FAM3B: variants seen among roughly 807,000 people sequenced by gnomAD.
FAM3B encodes the protein FAM3 metabolism regulating signaling molecule B, also known as protein FAM3B.
Under a neutral mutation model 28.4 loss-of-function variants are expected in FAM3B, and 29 were observed. That is an observed-to-expected ratio of 1.02 (90% CI 0.76 to 1.39). The LOEUF is 1.39. FAM3B is among the 40% of genes most tolerant of loss of function. FAM3B has a pLI of 0.00. For synonymous variants in FAM3B, 91 were observed against 103.0 expected, an observed-to-expected ratio of 0.88 and a Z score of 0.71; for missense variants, 266 against 293.9, an observed-to-expected ratio of 0.91 and a Z score of 0.69.
intron 2 of FAM3B, among the ~76,000 whole-genome samples, chr21:41,328,219 T>C (rs369413): frequency 0.33 from 49,498 of 152,086 alleles, 11,032 homozygotes; most frequent in African/African-American, 0.64. Context: ...AGTATTCCCA[T>C]TCATGTATTC....
intron 5 of FAM3B, chr21:41,345,973 C>T: frequency 2.7e-6 from 1 of 376,940 alleles, no homozygotes; most frequent in Non-Finnish European, 4.8e-6. Context: ...CTCAGTCTTT[C>T]TCTTTTTAGC....
chr21:41,316,387 A>C (rs925697151), upstream of FAM3B, among the ~76,000 whole-genome samples: 1 of 152,244 alleles, frequency 6.6e-6, no homozygotes, highest in Non-Finnish European at 1.5e-5. Context: ...TGGAGGAAGC[A>C]AAGAAGACCG....
At chr21:41,330,065 T>C (rs1336913082) in intron 2 of FAM3B, among the ~76,000 whole-genome samples, 2 of 151,968 alleles carry the variant, frequency 1.3e-5, no homozygotes, top group African/African-American at 4.8e-5. Flanking sequence ...AACTATATTG[T>C]TAATTGTTGT....
intron 4 of FAM3B, 93 bp from the exon 5 acceptor site, chr21:41,345,593 G>A (rs2089049502): frequency 2.8e-6 from 2 of 707,848 alleles, no homozygotes; most frequent in African/African-American, 1.8e-5. Flanking sequence ...GAGATAGACA[G>A]GGAAGAAATA....
intron 1 of FAM3B, among the ~76,000 whole-genome samples, chr21:41,310,973 A>C (rs934335502): frequency 6.6e-6 from 1 of 151,874 alleles, no homozygotes; most frequent in African/African-American, 2.4e-5. Context: ...CAAATCTGTT[A>C]GTTTGGTGAG....
At chr21:41,351,519 T>G (rs1169958795) in intron 7 of FAM3B, among the ~76,000 whole-genome samples, 1 of 152,230 alleles carries the variant, frequency 6.6e-6, no homozygotes, top group Admixed American at 6.5e-5. Flanking sequence ...AGCCAGGGCT[T>G]CAAGACAGGT....
intron 1 of FAM3B, among the ~76,000 whole-genome samples, chr21:41,317,464 C>T (rs2088760477): frequency 6.6e-6 from 1 of 152,164 alleles, no homozygotes; most frequent in Admixed American, 6.6e-5. Context: ...GACCAGTCAT[C>T]GCGTTTCTTG....
chr21:41,346,214 G>A (rs1056973900), intron 5 of FAM3B: 5 of 155,818 alleles, frequency 3.2e-5, no homozygotes, highest in African/African-American at 1.2e-4. Context: ...TCTAGGCACT[G>A]ACTCTTGACT....
At chr21:41,328,585 C>T (rs1408728735) in intron 2 of FAM3B, among the ~76,000 whole-genome samples, 1 of 152,174 alleles carries the variant, frequency 6.6e-6, no homozygotes, top group Non-Finnish European at 1.5e-5. Flanking sequence ...TCAGGAGATC[C>T]ATCCGCCTTA....
chr21:41,354,885 A>AG (rs1376499377), intron 7 of FAM3B, among the ~76,000 whole-genome samples: 1 of 152,220 alleles, frequency 6.6e-6, no homozygotes, highest in Non-Finnish European at 1.5e-5. Context: ...CCTTATAGAA[A>AG]GTGAAAGATA....
intron 6 of FAM3B, among the ~76,000 whole-genome samples, chr21:41,347,849 G>A: frequency 6.6e-6 from 1 of 152,034 alleles, no homozygotes. Context: ...CTCTCAGAGT[G>A]TGTCCTACTA....
rs865876837 is a variant in FAM3B at position 41,323,749 on chromosome 21, T to G, written c.163+683T>G. Among the ~76,000 whole-genome samples the G allele has an allele frequency of 6.5e-4, 99 of 151,916 alleles. No individual in the cohort carries two copies. The Middle Eastern group carries it at 0.017, about 26-fold the overall frequency. On this transcript the variant is annotated intron_variant, in intron 2 of 7. Transcript: ENST00000357985. ...CAAATGAGATTCGAGAGAGGATGGG[T>G]GGGGAAAGCCTCTGAGAAGGAGGTG... is the stretch of plus-strand genomic sequence containing the variant.
At chr21:41,311,102 C>T (rs1344615401) in intron 1 of FAM3B, among the ~76,000 whole-genome samples, 1 of 151,036 alleles carries the variant, frequency 6.6e-6, no homozygotes, top group Non-Finnish European at 1.5e-5. Flanking sequence ...AAACATTTTG[C>T]TCTCAGGACC....
At chr21:41,350,135 G>A (rs1360675471) in intron 7 of FAM3B, among the ~76,000 whole-genome samples, 2 of 152,208 alleles carry the variant, frequency 1.3e-5, no homozygotes, top group Non-Finnish European at 2.9e-5. Context: ...TTTTGCGAGG[G>A]GACGTCGTGT....
At chr21:41,317,102 G>C (rs932998946) in intron 1 of FAM3B, among the ~76,000 whole-genome samples, 1 of 152,218 alleles carries the variant, frequency 6.6e-6, no homozygotes, top group African/African-American at 2.4e-5. Context: ...GTTTCCAGCA[G>C]GGTTCCCCGA....
intron 1 of FAM3B, among the ~76,000 whole-genome samples, chr21:41,307,242 C>A (rs556336433): frequency 6.6e-6 from 1 of 152,344 alleles, no homozygotes; most frequent in South Asian, 2.1e-4. Flanking sequence ...ACCTCATGAA[C>A]CAACCTCTCC....
In FAM3B at chr21:41,345,690, A is replaced by T. The variant is rs370579027; in HGVS notation, c.351A>T (p.Val117=). The T allele has an allele frequency of 9.1e-5, 140 of 1,541,044 alleles. No homozygotes were observed. The highest frequency in any genetic ancestry group is 1.1e-4 in the Non-Finnish European group (128 of 1,148,478). The change falls in exon 5 of 8, where the codon GTA becomes GTT. Residue 117 remains valine, a synonymous_variant. Coordinates refer to ENST00000357985, the MANE Select transcript of FAM3B (RefSeq NM_058186.4). ...RGINIAIVNY[V]TGNVTATRCF... ...TACCATTTCTTTTATTTTCAGATGT[A>T]ACTGGGAATGTGACAGCAACACGAT... is the stretch of plus-strand genomic sequence containing the variant.
intron 2 of FAM3B, among the ~76,000 whole-genome samples, chr21:41,325,026 C>G (rs1860591787): frequency 6.6e-6 from 1 of 152,186 alleles, no homozygotes; most frequent in Non-Finnish European, 1.5e-5. Context: ...AGCTTGAACC[C>G]AGTAGGTGGA....
chr21:41,333,538 TG>T (rs761392762), intron 2 of FAM3B, among the ~76,000 whole-genome samples: 7 of 152,230 alleles, frequency 4.6e-5, no homozygotes, highest in Non-Finnish European at 7.3e-5. Flanking sequence ...GTAAGTTTCC[TG>T]GGGCCTCCCC....
Sources: allele counts gnomAD v4.1 joint callset (sites outside exome capture counted in the v4.1 genomes callset), GRCh38; gene constraint gnomAD v4.1.1; transcripts MANE v1.5; gene names NCBI Gene and HGNC (gene_info 2026-07-23, HGNC 2026-07-21).